MEI1: variants seen among roughly 807,000 people sequenced by gnomAD.
MEI1 encodes meiosis inhibitor protein 1.
Under a neutral mutation model 146.2 loss-of-function variants are expected in MEI1, and 103 were observed. That is an observed-to-expected ratio of 0.70 (90% CI 0.60 to 0.83). The LOEUF is 0.83. Among genes scored for constraint, MEI1 ranks in the 40% least tolerant of loss-of-function variants. The probability of loss-of-function intolerance (pLI) is 0.00; values close to 1 mark genes in which losing one functional copy is unlikely to be tolerated. For missense variants in MEI1, 1,529 were observed against 1,533.0 expected, an observed-to-expected ratio of 1.00 and a Z score of 0.04; for synonymous variants, 652 against 628.2, an observed-to-expected ratio of 1.04 and a Z score of -0.57.
chr22:41,766,436 C>G (rs2074863741), intron 19 of MEI1, among the ~76,000 whole-genome samples: 1 of 152,120 alleles, frequency 6.6e-6, no homozygotes, highest in African/African-American at 2.4e-5. Flanking sequence ...TTCCAAAGTG[C>G]TGGGATTACA....
intron 11 of MEI1, among the ~76,000 whole-genome samples, chr22:41,735,894 C>G (rs1406448333): frequency 6.6e-6 from 1 of 152,160 alleles, no homozygotes; most frequent in Non-Finnish European, 1.5e-5. Flanking sequence ...TGATAATGCT[C>G]AAATCTATAG....
intron 14 of MEI1, among the ~76,000 whole-genome samples, chr22:41,746,993 CTTCT>C (rs200041228): frequency 0.016 from 2,472 of 152,062 alleles, 48 homozygotes; most frequent in Admixed American, 0.059. Context: ...TGTATTAGTC[CTTCT>C]TTCTACTTTT....
intron 6 of MEI1, among the ~76,000 whole-genome samples, chr22:41,720,897 G>A (rs1362247489): frequency 6.6e-6 from 1 of 151,856 alleles, no homozygotes; most frequent in Non-Finnish European, 1.5e-5. Flanking sequence ...TCAGCCTCCC[G>A]AATAGCTGGG....
At position 41,711,261 on chromosome 22, in the gene MEI1, C is replaced by T. The variant is rs569922474; in HGVS notation, c.350-2741C>T. 2.0e-5 allele frequency among the ~76,000 whole-genome samples: 3 copies of T among 152,272 alleles called. No individual in the cohort carries two copies. The South Asian group carries it at 6.2e-4, about 32-fold the overall frequency. ...GATCTCGGCTCACTGCAAGCTCTGC[C>T]TCCTGGGTTCACGCCATTCTCCTGC... On this transcript the variant is annotated intron_variant, in intron 3 of 30. Coordinates refer to ENST00000401548, the MANE Select transcript of MEI1 (RefSeq NM_152513.4).
At chr22:41,756,821 C>T (rs1444873462) in intron 17 of MEI1, among the ~76,000 whole-genome samples, 4 of 152,170 alleles carry the variant, frequency 2.6e-5, no homozygotes, top group Admixed American at 1.3e-4. Flanking sequence ...TTTATGAAAC[C>T]GTTTTCGTAA....
chr22:41,760,927 C>A (rs1348311060), intron 18 of MEI1, among the ~76,000 whole-genome samples: 1 of 151,572 alleles, frequency 6.6e-6, no homozygotes, highest in South Asian at 2.1e-4. Context: ...TTGGGCCTGG[C>A]GCCGGGCTGC....
chr22:41,733,389 C>T lies in MEI1; in HGVS notation c.1331+786C>T, dbSNP rs777246725. Among the ~76,000 whole-genome samples, 9 of 151,974 alleles carry T rather than the reference C, an allele frequency of 5.9e-5. No homozygotes were observed. In the South Asian group the frequency reaches 8.3e-4, roughly 14 times the overall value. ...GCTTGAACCTGGGAAGCAGAGGTTG[C>T]GGTGAGCTGAGATCACACCACTGCA... On this transcript the variant is annotated intron_variant, in intron 11 of 30. Transcript: ENST00000401548.
chr22:41,776,058 A>C, intron 20 of MEI1, 44 bp from the exon 21 acceptor site: 1 of 1,585,574 alleles, frequency 6.3e-7, no homozygotes, highest in Non-Finnish European at 8.6e-7. Context: ...CTTTTCCCCA[A>C]CTGCAGTACC....
intron 18 of MEI1, among the ~76,000 whole-genome samples, chr22:41,762,549 GATTTTT>G (rs2074565130): frequency 7.8e-6 from 1 of 128,798 alleles, no homozygotes. Context: ...TAATTTAACT[GATTTTT>G]TTTTTTTTTT....
At chr22:41,766,350 T>G (rs1000301101) in intron 19 of MEI1, among the ~76,000 whole-genome samples, 1 of 151,636 alleles carries the variant, frequency 6.6e-6, no homozygotes, top group East Asian at 1.9e-4. Flanking sequence ...TTTTGTGTTC[T>G]TAGTAGAGAC....
chr22:41,795,613 G>A lies in MEI1; in HGVS notation c.3666+71G>A, dbSNP rs1443061071. On this transcript the variant is annotated intron_variant, in intron 29 of 30. Transcript: ENST00000401548. This position sits in a 1 kb window ranked among gnomAD's most constrained non-coding sequence, Gnocchi z 4.2. Reference sequence around the variant, plus strand: ...TCAACACCATCTTCTCTTGGAGGGTGGGAGCTCTGGCCACAGCAACCAAGG... The same window carrying A: ...TCAACACCATCTTCTCTTGGAGGGTAGGAGCTCTGGCCACAGCAACCAAGG... 10 of 1,602,846 alleles carry A rather than the reference G, an allele frequency of 6.2e-6. No individual in the cohort carries two copies. Among genetic ancestry groups the A allele is most frequent in the African/African-American group, 2.7e-5 (2 of 74,732 alleles).
In MEI1 at chr22:41,778,663, A is replaced by G. The variant is rs572900804; in HGVS notation, c.2711-45A>G. The stretch of plus-strand genomic sequence containing the variant: ...GGGCAGGGTGTCTGACCTTCAGGTG[A>G]TCTGAGCATCAGGCTTCTTGCCCAG... On this transcript the variant is annotated intron_variant, in intron 21 of 30. Coordinates refer to ENST00000401548, the MANE Select transcript of MEI1 (RefSeq NM_152513.4). 1.9e-5 allele frequency: 28 copies of G among 1,469,720 alleles called. No homozygotes were observed. In the South Asian group the frequency reaches 3.3e-4, roughly 17 times the overall value. 91.0% of individuals were successfully genotyped at this position (1,469,720 alleles called of 1,614,324 possible).
At position 41,784,715 on chromosome 22, in the gene MEI1, G is replaced by C; in HGVS notation, c.3277G>C (p.Val1093Leu). The change falls in exon 26 of 31, where the codon GTC (valine) becomes CTC (leucine). Residue 1093 changes from valine to leucine, a missense_variant. Val to Leu is a conservative substitution (Grantham distance 32). This residue lies in a region of MEI1 where 313 missense variants were observed against 337.3 expected (regional missense o/e 0.93). Coordinates refer to ENST00000401548, the MANE Select transcript of MEI1 (RefSeq NM_152513.4). ...GCCACTGCCAGCCACCAAGGACACT[G>C]TCCTAGCTCCACTGCGAATGTCGCA... ...AQPLPATKDTVLAPLRMSQVR... is the reference protein window; with the variant it reads ...AQPLPATKDTLLAPLRMSQVR... 1 of 1,613,574 alleles carries C rather than the reference G, an allele frequency of 6.2e-7. No individual in the cohort carries two copies. Among genetic ancestry groups the C allele is most frequent in the African/African-American group, 1.3e-5 (1 of 75,000 alleles).
In MEI1 at chr22:41,739,989, G is replaced by A. The variant is rs2072719025; in HGVS notation, c.1332-3091G>A. On this transcript the variant is annotated intron_variant, in intron 11 of 30. Transcript: ENST00000401548. Reference sequence around the variant, plus strand: ...TCAGAATTGTGGAGAGAGATGGATAGGGGGCAGGTTATTAAGCCTTGGATT... The same window carrying A: ...TCAGAATTGTGGAGAGAGATGGATAAGGGGCAGGTTATTAAGCCTTGGATT... Among the ~76,000 whole-genome samples the A allele has an allele frequency of 2.0e-5, 3 of 151,868 alleles. No homozygotes were observed. In the South Asian group the frequency reaches 6.3e-4, roughly 32 times the overall value.
At chr22:41,705,380 C>G in intron 2 of MEI1, 124 bp from the exon 3 acceptor site, 1 of 821,668 alleles carries the variant, frequency 1.2e-6, no homozygotes, top group South Asian at 1.4e-5. Flanking sequence ...CCATATTGGT[C>G]AGGCTTTTCT....
intron 19 of MEI1, chr22:41,767,437 G>T (rs1004837630): frequency 1.5e-5 from 5 of 336,614 alleles, no homozygotes; most frequent in Non-Finnish European, 3.2e-5. Context: ...CTTTGTGGAA[G>T]CAGTGGAGGA....
At chr22:41,782,377 G>A (rs73163332) in intron 24 of MEI1, among the ~76,000 whole-genome samples, 2,485 of 152,262 alleles carry the variant, frequency 0.016, 50 homozygotes, top group Admixed American at 0.059. Context: ...GGCAAGCCGT[G>A]GAATGCCACA....
intron 20 of MEI1, among the ~76,000 whole-genome samples, chr22:41,773,666 G>C (rs2075302712): frequency 6.6e-6 from 1 of 151,938 alleles, no homozygotes; most frequent in South Asian, 2.1e-4. Flanking sequence ...ACAAGGTCAG[G>C]AGTTCGAGAC....
chr22:41,772,513 T>C (rs962787623), intron 20 of MEI1, among the ~76,000 whole-genome samples: 3 of 152,146 alleles, frequency 2.0e-5, no homozygotes, highest in Non-Finnish European at 2.9e-5. Flanking sequence ...GTAGAGACAG[T>C]GTTTTATCAT....
Sources: allele counts gnomAD v4.1 joint callset (sites outside exome capture counted in the v4.1 genomes callset), GRCh38; gene constraint gnomAD v4.1.1; regional missense constraint gnomAD v4.1.1; non-coding constraint Gnocchi (gnomAD v3.1); transcripts MANE v1.5; gene names NCBI Gene and HGNC (gene_info 2026-07-23, HGNC 2026-07-21).